OR11A1: variants seen among roughly 807,000 people sequenced by gnomAD.
OR11A1 encodes olfactory receptor family 11 subfamily A member 1, also known as olfactory receptor 11A1.
For synonymous variants in OR11A1, 158 were observed against 152.2 expected, an observed-to-expected ratio of 1.04 and a Z score of -0.28; for missense variants, 380 against 378.2, an observed-to-expected ratio of 1.00 and a Z score of -0.04.
At chr6:29,437,106 C>A (rs1387690890) in intron 1 of OR11A1, among the ~76,000 whole-genome samples, 1 of 152,214 alleles carries the variant, frequency 6.6e-6, no homozygotes, top group Non-Finnish European at 1.5e-5. Context: ...TAAACTAGTT[C>A]AACCATTGTG....
chr6:29,444,854 G>C (rs1442237270), intron 1 of OR11A1, among the ~76,000 whole-genome samples: 1 of 152,010 alleles, frequency 6.6e-6, no homozygotes, highest in Non-Finnish European at 1.5e-5. Context: ...AACTTGACCT[G>C]CTTCTTGAAA....
At chr6:29,433,050 A>G (rs139332189) in intron 1 of OR11A1, among the ~76,000 whole-genome samples, 12 of 152,316 alleles carry the variant, frequency 7.9e-5, no homozygotes, top group African/African-American at 2.6e-4. Context: ...CTACATTATT[A>G]TGATTTTTAA....
At chr6:29,440,692 G>A (rs139025176) in intron 1 of OR11A1, 81 of 1,613,970 alleles carry the variant, frequency 5.0e-5, no homozygotes, top group Non-Finnish European at 6.7e-5. Context: ...ACCATCTTCC[G>A]GATCCCATCT....
chr6:29,446,447 G>A (rs1784785332), intron 1 of OR11A1, among the ~76,000 whole-genome samples: 1 of 152,114 alleles, frequency 6.6e-6, no homozygotes, highest in Non-Finnish European at 1.5e-5. Context: ...TTCCTCTCCT[G>A]GCAGCCAGGA....
chr6:29,428,299 A>C, intron 4 of OR11A1: 1 of 985,260 alleles, frequency 1.0e-6, no homozygotes, highest in Non-Finnish European at 1.2e-6. Flanking sequence ...AGGAGTTGGT[A>C]GTGAAAATGT....
chr6:29,440,717 C>T (rs762597996), intron 1 of OR11A1: 1 of 1,614,118 alleles, frequency 6.2e-7, no homozygotes, highest in Non-Finnish European at 8.5e-7. Flanking sequence ...CGGGCCGCCG[C>T]AAGGCCTTCT....
intron 1 of OR11A1, among the ~76,000 whole-genome samples, chr6:29,438,272 A>C (rs1198385539): frequency 6.6e-6 from 1 of 152,190 alleles, no homozygotes. Flanking sequence ...GCAAAGAAAG[A>C]TTTGTATAAT....
chr6:29,440,670 C>T, intron 1 of OR11A1: 3 of 1,614,158 alleles, frequency 1.9e-6, no homozygotes, highest in Non-Finnish European at 2.5e-6. Flanking sequence ...CTCCTACGGG[C>T]GTATCCTCGT....
chr6:29,440,501 C>T (rs17184044), intron 1 of OR11A1: 32,757 of 1,613,716 alleles, frequency 0.02, 835 homozygotes, highest in African/African-American at 0.098. Flanking sequence ...CCCCTTTCAT[C>T]TTCTCTTTGC....
intron 1 of OR11A1, among the ~76,000 whole-genome samples, chr6:29,454,584 A>G (rs1179896280): frequency 6.6e-6 from 1 of 152,208 alleles, no homozygotes; most frequent in African/African-American, 2.4e-5. Context: ...TTTACTATAC[A>G]ACCCAATAAT....
intron 1 of OR11A1, among the ~76,000 whole-genome samples, chr6:29,436,568 C>T (rs1481510123): frequency 6.6e-6 from 1 of 152,164 alleles, no homozygotes; most frequent in Non-Finnish European, 1.5e-5. Flanking sequence ...TGACCAAAAA[C>T]TCATAGGAAT....
chr6:29,451,534 CA>C (rs1181577246), intron 1 of OR11A1, among the ~76,000 whole-genome samples: 26 of 152,110 alleles, frequency 1.7e-4, no homozygotes, highest in African/African-American at 5.5e-4. Context: ...AGGACATGAA[CA>C]GACACGTCTC....
In OR11A1 at chr6:29,426,810, G is replaced by C; in HGVS notation, c.832C>G (p.Leu278Val). The stretch of plus-strand genomic sequence containing the variant: ...AAGAGAGGGGTGACCACAGTGTAGA[G>C]CAGGGAGAAGACCTTGGAGAGGAGC... ...SQLLSKVFSLLYTVVTPLFNP... is the reference protein window; with the variant it reads ...SQLLSKVFSLVYTVVTPLFNP... Residue 278 changes from leucine to valine, a missense_variant, in exon 5 of 5, where the codon CTC (leucine) becomes GTC (valine). By Grantham distance (32) the Leu-to-Val change is conservative. Transcript: ENST00000377149. The C allele has an allele frequency of 6.2e-7, 1 of 1,612,382 alleles. No individual in the cohort carries two copies. Among genetic ancestry groups the C allele is most frequent in the Non-Finnish European group, 8.5e-7 (1 of 1,179,742 alleles).
chr6:29,435,388 T>C (rs1453221700), intron 1 of OR11A1, among the ~76,000 whole-genome samples: 1 of 152,236 alleles, frequency 6.6e-6, no homozygotes, highest in African/African-American at 2.4e-5. Context: ...CCATTTATGT[T>C]GTTTGGCTTT....
Position 29,426,803 on chromosome 6 carries a change from G to C in OR11A1, c.839C>G (p.Thr280Ser), listed in dbSNP as rs748741890. The C allele has an allele frequency of 6.2e-7, 1 of 1,613,146 alleles. No homozygotes were observed. Among genetic ancestry groups the C allele is most frequent in the Non-Finnish European group, 8.5e-7 (1 of 1,180,020 alleles). Residue 280 changes from threonine (T) to serine (S), a missense_variant, in exon 5 of 5, where the codon ACT (threonine) becomes AGT (serine). Coordinates refer to ENST00000377149, the MANE Select transcript of OR11A1 (RefSeq NM_001394828.1). ...LLSKVFSLLY[T>S]VVTPLFNPVI... Reference sequence around the variant, plus strand: ...AGGATTGAAGAGAGGGGTGACCACAGTGTAGAGCAGGGAGAAGACCTTGGA... The same window carrying C: ...AGGATTGAAGAGAGGGGTGACCACACTGTAGAGCAGGGAGAAGACCTTGGA...
rs1782783801 is a variant in OR11A1, at chr6:29,426,190, A to G, written c.*504T>C. The G allele has an allele frequency of 6.5e-6, 1 of 153,046 alleles. No individual in the cohort carries two copies. Among genetic ancestry groups the G allele is most frequent in the Admixed American group, 6.5e-5 (1 of 15,300 alleles). 9.5% of individuals were successfully genotyped at this position (153,046 alleles called of 1,614,324 possible). On this transcript the variant is annotated 3_prime_UTR_variant, in exon 5 of 5. Transcript: ENST00000377149. ...ATTTTTAAATATTTATGACATATTT[A>G]ATAAAGAACTAATCAAAGTTTAAAT...
At chr6:29,438,180 A>G (rs1783791100) in intron 1 of OR11A1, among the ~76,000 whole-genome samples, 1 of 152,176 alleles carries the variant, frequency 6.6e-6, no homozygotes, top group African/African-American at 2.4e-5. Context: ...ATTCTATTTG[A>G]CACACAGCTT....
intron 2 of OR11A1, 38 bp from the exon 3 acceptor site, chr6:29,430,463 A>T (rs1561775521): frequency 6.1e-6 from 6 of 983,998 alleles, no homozygotes; most frequent in Non-Finnish European, 6.0e-6. Context: ...TCAGGCAAGA[A>T]TACCTCTAAT....
chr6:29,445,157 C>T (rs1784609903), intron 1 of OR11A1, among the ~76,000 whole-genome samples: 1 of 152,202 alleles, frequency 6.6e-6, no homozygotes, highest in Admixed American at 6.5e-5. Flanking sequence ...CAGGAGCCTA[C>T]CACCATGCCC....
Sources: gnomAD v4.1 joint callset for allele counts (sites outside exome capture counted in the v4.1 genomes callset) on GRCh38, gnomAD v4.1.1 for gene constraint, MANE v1.5 for transcripts, NCBI Gene and HGNC (gene_info 2026-07-23, HGNC 2026-07-21) for gene names.